Variants in PDE4D observed in about 807,000 individuals in gnomAD.
The protein encoded by PDE4D is 3',5'-cyclic-AMP phosphodiesterase 4D.
PDE4D carries 24 observed loss-of-function variants against 87.4 expected under a neutral mutation model. That is an observed-to-expected ratio of 0.27 (90% CI 0.20 to 0.39). PDE4D has a LOEUF of 0.39. Among genes scored for constraint, PDE4D ranks in the 10% least tolerant of loss-of-function variants. PDE4D has a pLI of 1.00. For missense variants in PDE4D, 714 were observed against 1,041.0 expected, an observed-to-expected ratio of 0.69 and a Z score of 4.32; for synonymous variants, 384 against 383.2, an observed-to-expected ratio of 1.00 and a Z score of -0.02.
chr5:59,222,731 G>A (rs1752823289), intron 1 of PDE4D, among the ~76,000 whole-genome samples: 2 of 152,172 alleles, frequency 1.3e-5, no homozygotes, highest in South Asian at 4.1e-4. Flanking sequence ...GAAAACACAG[G>A]TTAAATTTGA....
intron 1 of PDE4D, among the ~76,000 whole-genome samples, chr5:60,215,172 T>C (rs180917035): frequency 1.3e-5 from 2 of 152,274 alleles, no homozygotes; most frequent in African/African-American, 4.8e-5. Context: ...CTGACAGAAT[T>C]TAGAATCAGA....
chr5:59,595,667 CA>C (rs1342204712), intron 1 of PDE4D, among the ~76,000 whole-genome samples: 2 of 152,112 alleles, frequency 1.3e-5, no homozygotes, highest in Non-Finnish European at 2.9e-5. Context: ...ATGGGGCTTA[CA>C]AAAGTTATTA....
chr5:59,046,018 G>A (rs1254396752), intron 5 of PDE4D, among the ~76,000 whole-genome samples: 6 of 152,218 alleles, frequency 3.9e-5, no homozygotes, highest in Non-Finnish European at 8.8e-5. Flanking sequence ...TTGAAAGGGA[G>A]TGGACTTCTT....
chr5:59,518,200 T>C (rs960518809), intron 1 of PDE4D, among the ~76,000 whole-genome samples: 15 of 92,554 alleles, frequency 1.6e-4, no homozygotes, highest in African/African-American at 4.6e-4. Flanking sequence ...TGTTTGTGTG[T>C]GTGTGTGTGT....
At chr5:59,843,933 G>A (rs1743438661) in intron 1 of PDE4D, among the ~76,000 whole-genome samples, 1 of 152,062 alleles carries the variant, frequency 6.6e-6, no homozygotes, top group Non-Finnish European at 1.5e-5. Flanking sequence ...GAGGTTAATT[G>A]CTTTAATGCC....
rs1758457958 is a variant in PDE4D at position 59,738,895 on chromosome 5, A to G, written c.455+154273T>C. On this transcript the variant is annotated intron_variant, in intron 1 of 14. Transcript: ENST00000340635. Reference sequence around the variant, plus strand: ...GCTTTACACAAATTTTTATCTAAATATCATCTTTCAATTATTTTCACAGTG... The same window carrying G: ...GCTTTACACAAATTTTTATCTAAATGTCATCTTTCAATTATTTTCACAGTG... Among the ~76,000 whole-genome samples, 3 of 152,018 alleles carry G rather than the reference A, an allele frequency of 2.0e-5. No homozygotes were observed. The South Asian group carries it at 6.2e-4, about 31-fold the overall frequency.
At chr5:60,428,404 G>GA (rs376178777) in intron 1 of PDE4D, among the ~76,000 whole-genome samples, 2,231 of 144,754 alleles carry the variant, frequency 0.015, 54 homozygotes, top group African/African-American at 0.054. Context: ...GAGATAATGA[G>GA]AAAAAAAAAA....
intron 1 of PDE4D, among the ~76,000 whole-genome samples, chr5:59,651,622 T>C (rs1377476000): frequency 6.6e-6 from 1 of 152,152 alleles, no homozygotes; most frequent in African/African-American, 2.4e-5. Context: ...AATCCATATC[T>C]TGACATTAAA....
intron 1 of PDE4D, among the ~76,000 whole-genome samples, chr5:59,665,379 T>C (rs187128069): frequency 6.6e-6 from 1 of 152,354 alleles, no homozygotes; most frequent in African/African-American, 2.4e-5. Flanking sequence ...AATTATCTTA[T>C]ATTCCTGTGA....
rs577854412 is a variant in PDE4D, at chr5:59,343,393, C to T, written c.456-127425G>A. On this transcript the variant is annotated intron_variant, in intron 1 of 14. Coordinates refer to ENST00000340635, the MANE Select transcript of PDE4D (RefSeq NM_001104631.2). ...TCTGTGAGTTTGACTTTTTTAGATT[C>T]CACATAGAAGTGAGATCATATACAT... Among the ~76,000 whole-genome samples the T allele has an allele frequency of 3.3e-5, 5 of 152,096 alleles. No homozygotes were observed. In the East Asian group the frequency reaches 5.8e-4, roughly 18 times the overall value.
At chr5:59,901,206 T>C (rs1231420283) in intron 3 of PDE4D, among the ~76,000 whole-genome samples, 1 of 152,202 alleles carries the variant, frequency 6.6e-6, no homozygotes, top group East Asian at 1.9e-4. Context: ...AAACTTGTGA[T>C]CTTGCCTGGA....
intron 1 of PDE4D, among the ~76,000 whole-genome samples, chr5:59,461,103 T>G (rs1800704250): frequency 6.6e-6 from 1 of 152,160 alleles, no homozygotes; most frequent in Non-Finnish European, 1.5e-5. Context: ...AGAGTCCTCT[T>G]GGGGAGCACG....
chr5:59,138,921 T>C (rs943922090), intron 5 of PDE4D, among the ~76,000 whole-genome samples: 7 of 152,174 alleles, frequency 4.6e-5, no homozygotes, highest in African/African-American at 1.7e-4. Flanking sequence ...TATGAAAGTA[T>C]AGAGGAGGAA....
intron 2 of PDE4D, among the ~76,000 whole-genome samples, chr5:60,036,103 C>T (rs1054893277): frequency 2.0e-5 from 3 of 152,146 alleles, no homozygotes; most frequent in Non-Finnish European, 4.4e-5. Context: ...CCTGGAAGAT[C>T]ATATTCATTT....
intron 1 of PDE4D, among the ~76,000 whole-genome samples, chr5:60,425,678 C>A (rs1439387031): frequency 2.0e-5 from 3 of 152,170 alleles, no homozygotes; most frequent in African/African-American, 7.2e-5. Context: ...CCAACATAGA[C>A]AAATAGTATC....
chr5:60,312,439 T>C (rs76193381), intron 1 of PDE4D, among the ~76,000 whole-genome samples: 4 of 152,280 alleles, frequency 2.6e-5, no homozygotes, highest in Non-Finnish European at 4.4e-5. Flanking sequence ...GGGTAATTTA[T>C]AAAGGAAGAA....
chr5:59,875,682 C>G (rs188402155), intron 1 of PDE4D, among the ~76,000 whole-genome samples: 1 of 151,940 alleles, frequency 6.6e-6, no homozygotes, highest in Admixed American at 6.6e-5. Context: ...TAACTTCCAA[C>G]CAATCCACAC....
intron 1 of PDE4D, among the ~76,000 whole-genome samples, chr5:59,813,956 A>G (rs774315905): frequency 1.3e-5 from 2 of 152,220 alleles, no homozygotes; most frequent in Non-Finnish European, 2.9e-5. Flanking sequence ...TGGAAAAAGA[A>G]CTCACAGAAG....
chr5:60,365,662 C>A (rs1760462394), intron 1 of PDE4D, among the ~76,000 whole-genome samples: 2 of 152,208 alleles, frequency 1.3e-5, no homozygotes, highest in Admixed American at 6.5e-5. Flanking sequence ...GTACCAAGGG[C>A]GCTGAGATTA....
Sources: allele counts gnomAD v4.1 joint callset (sites outside exome capture counted in the v4.1 genomes callset), GRCh38; gene constraint gnomAD v4.1.1; transcripts MANE v1.5; gene names NCBI Gene and HGNC (gene_info 2026-07-23, HGNC 2026-07-21).